C1GALT1: variants seen among roughly 807,000 people sequenced by gnomAD.
The protein encoded by C1GALT1 is core 1 synthase, glycoprotein-N-acetylgalactosamine 3-beta-galactosyltransferase 1.
A neutral mutation model predicts 31.0 loss-of-function variants in C1GALT1; 11 were observed. That is an observed-to-expected ratio of 0.36 (90% CI 0.22 to 0.59). The LOEUF is 0.59. Ranked by LOEUF, C1GALT1 falls within the 20% of genes least tolerant of loss-of-function variation. The probability of loss-of-function intolerance (pLI) is 0.79; values close to 1 mark genes in which losing one functional copy is unlikely to be tolerated. For missense variants in C1GALT1, 424 were observed against 425.2 expected, an observed-to-expected ratio of 1.00 and a Z score of 0.03; for synonymous variants, 175 against 143.6, an observed-to-expected ratio of 1.22 and a Z score of -1.56.
At chr7:7,170,256 C>T (rs1780439535) in intron 2 of C1GALT1, among the ~76,000 whole-genome samples, 2 of 152,058 alleles carry the variant, frequency 1.3e-5, no homozygotes, top group Admixed American at 1.3e-4. Context: ...TACTGATTCT[C>T]TCTATTGTTT....
intron 1 of C1GALT1, among the ~76,000 whole-genome samples, chr7:7,186,079 T>C (rs1402192622): frequency 1.3e-5 from 2 of 152,162 alleles, no homozygotes; most frequent in Admixed American, 6.5e-5. Flanking sequence ...GTAGGGACTC[T>C]GCAGAGTCCT....
chr7:7,168,973 T>C (rs1432192), intron 2 of C1GALT1, among the ~76,000 whole-genome samples: 103,741 of 152,130 alleles, frequency 0.68, 36,376 homozygotes, highest in East Asian at 0.95. Context: ...TATCTGTTAA[T>C]GAAGCTTTTC....
At chr7:7,185,742 A>G (rs1354612632) in intron 1 of C1GALT1, among the ~76,000 whole-genome samples, 2 of 152,214 alleles carry the variant, frequency 1.3e-5, no homozygotes, top group East Asian at 3.8e-4. Context: ...CTATTTTGAA[A>G]TAAGGTCACG....
intron 1 of C1GALT1, among the ~76,000 whole-genome samples, chr7:7,212,425 G>T (rs1000849346): frequency 2.6e-5 from 4 of 152,112 alleles, no homozygotes; most frequent in Non-Finnish European, 5.9e-5. Context: ...AAAGAAAAAT[G>T]GATTCTTACT....
Position 7,227,276 on chromosome 7 carries a change from G to A in C1GALT1, c.-17-7027G>A, listed in dbSNP as rs143987287. 9.0e-3 allele frequency among the ~76,000 whole-genome samples: 1,365 copies of A among 152,216 alleles called. 20 individuals carry two copies. The highest frequency in any genetic ancestry group is 0.03 in the African/African-American group (1,263 of 41,518). ...ATTTGTCCCCTCTAAAACTCATGTTGAAATTTAATTCCCAGTTTGGCAATA... is the reference window on the plus strand; with the variant it reads ...ATTTGTCCCCTCTAAAACTCATGTTAAAATTTAATTCCCAGTTTGGCAATA... On this transcript the variant is annotated intron_variant, in intron 1 of 3. Coordinates refer to ENST00000436587, the MANE Select transcript of C1GALT1 (RefSeq NM_020156.5).
At position 7,246,244 on chromosome 7, in the gene C1GALT1, G is replaced by C. The variant is rs1452552188; in HGVS notation, c.*2517G>C. Reference sequence around the variant, plus strand: ...TCAGAGACAAAGTAACTTTGTCACTGTCACAAAGCTAGTAAGTAACAGAGG... The same window carrying C: ...TCAGAGACAAAGTAACTTTGTCACTCTCACAAAGCTAGTAAGTAACAGAGG... On this transcript the variant is annotated 3_prime_UTR_variant, in exon 4 of 4. Coordinates refer to ENST00000436587, the MANE Select transcript of C1GALT1 (RefSeq NM_020156.5). 1 of 152,092 alleles carries C rather than the reference G, an allele frequency of 6.6e-6. No homozygotes were observed. The highest frequency in any genetic ancestry group is 1.5e-5 in the Non-Finnish European group (1 of 68,036). 9.4% of individuals were successfully genotyped at this position (152,092 alleles called of 1,614,324 possible).
chr7:7,244,525 C>T lies in C1GALT1; in HGVS notation c.*798C>T, dbSNP rs1208042653. On this transcript the variant is annotated 3_prime_UTR_variant, in exon 4 of 4. Transcript: ENST00000436587. ...TAAACATGTATTTTACATATTTGTT[C>T]CCAAATTTGCCCATTGTTCATTATG... is the stretch of plus-strand genomic sequence containing the variant. 6.6e-6 allele frequency: 1 copy of T among 152,050 alleles called. No homozygotes were observed. The highest frequency in any genetic ancestry group is 2.4e-5 in the African/African-American group (1 of 41,408). The allele number at this position is 152,050 out of a possible 1,614,324, so 9.4% of individuals were successfully genotyped here.
chr7:7,162,221 T>C (rs1047566432), intron 2 of C1GALT1, among the ~76,000 whole-genome samples: 2 of 150,222 alleles, frequency 1.3e-5, no homozygotes, highest in African/African-American at 4.9e-5. Context: ...CCCATTAACT[T>C]GTCATGTAGC....
At position 7,202,250 on chromosome 7, in the gene C1GALT1, G is replaced by A. The variant is rs551452408; in HGVS notation, c.-18+19430G>A. On this transcript the variant is annotated intron_variant, in intron 1 of 3. Transcript: ENST00000436587. ...CTTTGAAAGGTCTATGGATTCTCTCGGCTTTCCTGGTACGTTCCCGTGGTA... is the reference window on the plus strand; with the variant it reads ...CTTTGAAAGGTCTATGGATTCTCTCAGCTTTCCTGGTACGTTCCCGTGGTA... Among the ~76,000 whole-genome samples, 10 of 152,232 alleles carry A rather than the reference G, an allele frequency of 6.6e-5. No homozygotes were observed. The South Asian group carries it at 2.1e-3, about 32-fold the overall frequency.
intron 1 of C1GALT1, among the ~76,000 whole-genome samples, chr7:7,188,002 C>G (rs1454664884): frequency 7.3e-6 from 1 of 137,648 alleles, no homozygotes; most frequent in Non-Finnish European, 1.6e-5. Context: ...AGAGCTCATT[C>G]TGGTGACGGG....
At chr7:7,168,737 A>G (rs1463491246) in intron 2 of C1GALT1, among the ~76,000 whole-genome samples, 1 of 152,248 alleles carries the variant, frequency 6.6e-6, no homozygotes, top group Non-Finnish European at 1.5e-5. Flanking sequence ...AATATTGTCT[A>G]CCTACAAATA....
intron 1 of C1GALT1, among the ~76,000 whole-genome samples, chr7:7,185,951 G>T (rs967566824): frequency 2.6e-5 from 4 of 152,122 alleles, no homozygotes; most frequent in Admixed American, 2.6e-4. Context: ...GTTTTCTGTT[G>T]CCTCTAGCAG....
At chr7:7,218,367 A>G (rs974633550) in intron 1 of C1GALT1, among the ~76,000 whole-genome samples, 1 of 152,200 alleles carries the variant, frequency 6.6e-6, no homozygotes. Context: ...GTGGCATTGA[A>G]AAGTATTATA....
In C1GALT1 at chr7:7,247,816, A is replaced by G. The variant is rs1385906775; in HGVS notation, c.*4089A>G. On this transcript the variant is annotated 3_prime_UTR_variant, in exon 4 of 4. Coordinates refer to ENST00000436587, the MANE Select transcript of C1GALT1 (RefSeq NM_020156.5). ...GTTAATTTGGCTGTTAATAGTGATTAGAATTTTTATCACTTAATTGATAAT... is the reference window on the plus strand; with the variant it reads ...GTTAATTTGGCTGTTAATAGTGATTGGAATTTTTATCACTTAATTGATAAT... 2.0e-5 allele frequency: 3 copies of G among 152,078 alleles called. No homozygotes were observed. Among genetic ancestry groups the G allele is most frequent in the Admixed American group, 6.5e-5 (1 of 15,280 alleles). 9.4% of individuals were successfully genotyped at this position (152,078 alleles called of 1,614,324 possible). A position where few individuals can be genotyped will look rare whatever the true frequency, so the allele number is the denominator to read the frequency against.
intron 1 of C1GALT1, among the ~76,000 whole-genome samples, chr7:7,207,739 A>C (rs1781813647): frequency 6.7e-6 from 1 of 148,996 alleles, no homozygotes; most frequent in East Asian, 2.0e-4. Context: ...TTAATGTGGT[A>C]ATTCTGGAAA....
chr7:7,179,858 T>TAAA (rs776863068), upstream of C1GALT1, among the ~76,000 whole-genome samples: 1 of 92,708 alleles, frequency 1.1e-5, no homozygotes, highest in Admixed American at 1.3e-4. Context: ...TGTTTCAGGT[T>TAAA]CAAAAAAAAA....
intron 2 of C1GALT1, among the ~76,000 whole-genome samples, chr7:7,162,553 G>T (rs1780345882): frequency 6.6e-6 from 1 of 151,664 alleles, no homozygotes; most frequent in Non-Finnish European, 1.5e-5. Context: ...CTTTGCTATT[G>T]TGAATAGTGC....
In C1GALT1 at chr7:7,244,887, T is replaced by C. The variant is rs1021711460; in HGVS notation, c.*1160T>C. ...GTTATATTTTGAAAGAGTAGATACT[T>C]AATTTATAAATAACAGTCTGAAGGT... On this transcript the variant is annotated 3_prime_UTR_variant, in exon 4 of 4. Transcript: ENST00000436587. 6.6e-6 allele frequency: 1 copy of C among 152,192 alleles called. No homozygotes were observed. The highest frequency in any genetic ancestry group is 2.4e-5 in the African/African-American group (1 of 41,456). 9.4% of individuals were successfully genotyped at this position (152,192 alleles called of 1,614,324 possible).
chr7:7,161,854 A>C (rs1780336672), intron 2 of C1GALT1, among the ~76,000 whole-genome samples: 1 of 152,134 alleles, frequency 6.6e-6, no homozygotes, highest in South Asian at 2.1e-4. Flanking sequence ...CAAGTGCAGA[A>C]GATTCTATTG....
Sources: gnomAD v4.1 joint callset for allele counts (sites outside exome capture counted in the v4.1 genomes callset) on GRCh38, gnomAD v4.1.1 for gene constraint, MANE v1.5 for transcripts, NCBI Gene and HGNC (gene_info 2026-07-23, HGNC 2026-07-21) for gene names.